The following COL25A1 variants were observed in gnomAD, a reference collection of about 807,000 sequenced individuals.
COL25A1 encodes collagen alpha-1(XXV) chain.
In COL25A1, 103 loss-of-function variants were observed where a neutral mutation model predicts 128.4. The observed-to-expected ratio is 0.80, with a 90% CI of 0.68 to 0.94. The LOEUF (loss-of-function observed/expected upper bound fraction) is 0.94, where lower values mean the gene tolerates loss of function less well. Ranked by LOEUF, COL25A1 falls within the 40% of genes least tolerant of loss-of-function variation. The probability of loss-of-function intolerance (pLI) is 0.00; values close to 1 mark genes in which losing one functional copy is unlikely to be tolerated. For synonymous variants in COL25A1, 279 were observed against 277.2 expected (o/e 1.01, Z -0.06); for missense variants, 745 against 840.0 (o/e 0.89, Z 1.40).
chr4:109,031,942 A>G (rs150383328), intron 5 of COL25A1, among the ~76,000 whole-genome samples: 218 of 152,308 alleles, frequency 1.4e-3, no homozygotes, highest in African/African-American at 4.5e-3. Context: ...TACACAGATC[A>G]TTGTCTCAAT....
At chr4:109,073,468 C>G (rs1484316158) in intron 3 of COL25A1, among the ~76,000 whole-genome samples, 1 of 152,162 alleles carries the variant, frequency 6.6e-6, no homozygotes, top group Non-Finnish European at 1.5e-5. Flanking sequence ...AAAATAATAA[C>G]ACAATCGCTG....
chr4:109,093,349 G>A (rs1449774578), intron 3 of COL25A1, among the ~76,000 whole-genome samples: 1 of 151,162 alleles, frequency 6.6e-6, no homozygotes, highest in African/African-American at 2.4e-5. Context: ...GCTGGGTGCA[G>A]TGGCTCATGC....
chr4:109,299,382 C>T (rs990558759), intron 3 of COL25A1, among the ~76,000 whole-genome samples: 1 of 152,092 alleles, frequency 6.6e-6, no homozygotes, highest in East Asian at 1.9e-4. Context: ...TTTTCTGGTA[C>T]CTAACATATA....
At chr4:109,142,474 T>A (rs1435216217) in intron 3 of COL25A1, among the ~76,000 whole-genome samples, 1 of 152,040 alleles carries the variant, frequency 6.6e-6, no homozygotes, top group Admixed American at 6.5e-5. Context: ...AATATCCTTG[T>A]TAATTTTCTG....
At chr4:109,146,774 T>G (rs1483425048) in intron 3 of COL25A1, among the ~76,000 whole-genome samples, 1 of 152,208 alleles carries the variant, frequency 6.6e-6, no homozygotes, top group Non-Finnish European at 1.5e-5. Flanking sequence ...TTGCAGAATA[T>G]GAAGTTTCCT....
At chr4:109,241,140 G>T (rs1779871700) in intron 3 of COL25A1, among the ~76,000 whole-genome samples, 1 of 151,924 alleles carries the variant, frequency 6.6e-6, no homozygotes, top group Admixed American at 6.6e-5. Context: ...AGCCTTTTCT[G>T]GGATGTAAGA....
At chr4:108,945,284 G>A (rs4956065) in intron 8 of COL25A1, among the ~76,000 whole-genome samples, 1,578 of 152,182 alleles carry the variant, frequency 0.01, 20 homozygotes, top group Non-Finnish European at 0.015. Context: ...TTTCACAGGG[G>A]CTGCCTCCAG....
chr4:108,866,936 C>T (rs1738004157), intron 20 of COL25A1, among the ~76,000 whole-genome samples: 1 of 152,172 alleles, frequency 6.6e-6, no homozygotes, highest in African/African-American at 2.4e-5. Context: ...AATTTCCTAT[C>T]CATATCCCTT....
intron 3 of COL25A1, among the ~76,000 whole-genome samples, chr4:109,231,159 TAATA>T (rs1032075042): frequency 2.0e-5 from 3 of 151,644 alleles, no homozygotes; most frequent in African/African-American, 4.8e-5. Flanking sequence ...AAAAAAATAA[TAATA>T]AATAAATAAA....
At chr4:109,167,859 A>G (rs1020934164) in intron 3 of COL25A1, among the ~76,000 whole-genome samples, 1 of 152,188 alleles carries the variant, frequency 6.6e-6, no homozygotes, top group African/African-American at 2.4e-5. Context: ...CAAAAAACTC[A>G]TCTATAATTT....
chr4:108,894,981 A>C (rs1422217674), intron 16 of COL25A1, among the ~76,000 whole-genome samples: 1 of 152,216 alleles, frequency 6.6e-6, no homozygotes. Context: ...TGCCATAGGC[A>C]TCTTGTGAGT....
intron 5 of COL25A1, among the ~76,000 whole-genome samples, chr4:109,025,379 T>G (rs1402914181): frequency 6.6e-6 from 1 of 152,220 alleles, no homozygotes; most frequent in East Asian, 1.9e-4. Context: ...TTAATAACAT[T>G]CTTAATGTGT....
chr4:109,144,298 C>T (rs899522967), intron 3 of COL25A1, among the ~76,000 whole-genome samples: 2 of 152,230 alleles, frequency 1.3e-5, no homozygotes, highest in African/African-American at 2.4e-5. Context: ...CTGCTAGATG[C>T]CAGCTGGAGC....
chr4:108,902,713 T>A (rs1025478400), intron 13 of COL25A1, among the ~76,000 whole-genome samples: 9 of 152,002 alleles, frequency 5.9e-5, no homozygotes, highest in Non-Finnish European at 1.2e-4. Context: ...TGGAAAAAAA[T>A]TCTGCTTCCT....
rs3108927 is a variant in COL25A1 at position 109,099,188 on chromosome 4, G to T, written c.368-49009C>A. Among the ~76,000 whole-genome samples the T allele has an allele frequency of 5.2e-4, 79 of 152,260 alleles. 1 individual carries two copies. The highest frequency in any genetic ancestry group is 1.8e-3 in the African/African-American group (76 of 41,554). On this transcript the variant is annotated intron_variant, in intron 3 of 37. Transcript: ENST00000399132. ...TTAGCAAAATCAAAACCATAAACCT[G>T]AACCTTTTGTAGAATTTTGTAAGCA...
At position 109,212,817 on chromosome 4, in the gene COL25A1, T is replaced by C. The variant is rs77714779; in HGVS notation, c.367+87766A>G. 7.7e-3 allele frequency among the ~76,000 whole-genome samples: 1,175 copies of C among 152,282 alleles called. 58 individuals are homozygous for C. The South Asian group carries it at 0.14, about 18-fold the overall frequency. ...AATACAATAGCAGTACTCTGGTACA[T>C]GTATGGTACATGCTCAAAAAATTTC... is the stretch of plus-strand genomic sequence containing the variant. On this transcript the variant is annotated intron_variant, in intron 3 of 37. Transcript: ENST00000399132.
At chr4:109,042,323 CTTTTT>C (rs983059743) in intron 5 of COL25A1, among the ~76,000 whole-genome samples, 2 of 152,068 alleles carry the variant, frequency 1.3e-5, no homozygotes, top group Non-Finnish European at 2.9e-5. Context: ...TAGTCATATT[CTTTTT>C]CTTTTTCTGC....
chr4:109,119,062 A>T (rs907687762), intron 3 of COL25A1, among the ~76,000 whole-genome samples: 1 of 151,648 alleles, frequency 6.6e-6, no homozygotes, highest in Non-Finnish European at 1.5e-5. Flanking sequence ...AAAACAGCTA[A>T]AACATCCCAA....
chr4:108,949,666 T>C (rs1312537974), intron 8 of COL25A1, among the ~76,000 whole-genome samples: 1 of 152,040 alleles, frequency 6.6e-6, no homozygotes, highest in Non-Finnish European at 1.5e-5. Context: ...CTCAAGTAGC[T>C]GGAACTAAAG....
Sources: allele counts gnomAD v4.1 joint callset (sites outside exome capture counted in the v4.1 genomes callset), GRCh38; gene constraint gnomAD v4.1.1; transcripts MANE v1.5; gene names NCBI Gene and HGNC (gene_info 2026-07-23, HGNC 2026-07-21).